DNM2: variants seen among roughly 807,000 people sequenced by gnomAD.
DNM2 encodes dynamin 2.
A neutral mutation model predicts 99.0 loss-of-function variants in DNM2; 15 were observed. The ratio of observed to expected loss-of-function variants is 0.15; its 90% CI spans 0.10 to 0.23. The LOEUF (loss-of-function observed/expected upper bound fraction) is 0.23. Among genes scored for constraint, DNM2 ranks in the 10% least tolerant of loss-of-function variants. The pLI, the probability that DNM2 is intolerant of heterozygous loss-of-function variation, is 1.00. For missense variants in DNM2, 742 were observed against 1,189.4 expected, an observed-to-expected ratio of 0.62 and a Z score of 5.53; for synonymous variants, 525 against 481.2, an observed-to-expected ratio of 1.09 and a Z score of -1.19.
intron 1 of DNM2, among the ~76,000 whole-genome samples, chr19:10,757,951 AAAAAAAAAAAAAAAG>A (rs1361353250): frequency 6.6e-6 from 1 of 151,588 alleles, no homozygotes; most frequent in Non-Finnish European, 1.5e-5. Context: ...CTCAAAAAAA[AAAAAAAAAAAAAAAG>A]AAAAAGAAAT....
At chr19:10,824,761 T>A in intron 17 of DNM2, 1 of 446,356 alleles carries the variant, frequency 2.2e-6, no homozygotes, top group Non-Finnish European at 4.2e-6. Flanking sequence ...GTGAACTGTG[T>A]TTGTGCCACT....
At chr19:10,824,930 C>T in intron 17 of DNM2, 127 bp from the exon 18 acceptor site, 1 of 1,472,054 alleles carries the variant, frequency 6.8e-7, no homozygotes, top group South Asian at 1.2e-5. Flanking sequence ...CTATCTGGTG[C>T]CAGTGGGGCT....
chr19:10,754,449 T>C (rs185144637), intron 1 of DNM2, among the ~76,000 whole-genome samples: 25 of 152,066 alleles, frequency 1.6e-4, no homozygotes, highest in Middle Eastern at 3.4e-3. Flanking sequence ...GACGGGGTTT[T>C]ACCGTGTTGG....
Position 10,829,202 on chromosome 19 carries a change from G to A in DNM2, c.2225G>A (p.Ser742Asn), listed in dbSNP as rs1220165110. Residue 742 changes from serine to asparagine, a missense_variant, in exon 19 of 21, where the codon AGC becomes AAC. Ser to Asn is a conservative substitution (Grantham distance 46, BLOSUM62 1). This residue lies in a region of DNM2 where 187 missense variants were observed against 218.8 expected (regional missense o/e 0.85). Coordinates refer to ENST00000389253, the MANE Select transcript of DNM2 (RefSeq NM_001005361.3). ...ALNIIGDIST[S>N]TVSTPVPPPV... The stretch of plus-strand genomic sequence containing the variant: ...AACATCATCGGTGACATCAGCACCA[G>A]CACTGTGTCCACGCCTGTACCCCCG... 1.2e-6 allele frequency: 2 copies of A among 1,614,000 alleles called. No individual in the cohort carries two copies. The highest frequency in any genetic ancestry group is 1.1e-5 in the South Asian group (1 of 91,084).
chr19:10,773,449 A>T lies in DNM2; in HGVS notation c.385+821A>T, dbSNP rs912172177. 8.8e-5 allele frequency among the ~76,000 whole-genome samples: 11 copies of T among 124,422 alleles called. 1 individual carries two copies. Among genetic ancestry groups the T allele is most frequent in the South Asian group, 5.3e-4 (2 of 3,780 alleles). 81.6% of individuals were successfully genotyped at this position (124,422 alleles called of 152,430 possible). A position where few individuals can be genotyped will look rare whatever the true frequency, so the allele number is the denominator to read the frequency against. ...GACGTGAGCCGCCGCGCCCGGCCAA[A>T]TTTTTTTTTTTTTTTTTGAGACAGA... On this transcript the variant is annotated intron_variant, in intron 3 of 20. Transcript: ENST00000389253.
chr19:10,800,263 A>G (rs1237447874), intron 11 of DNM2, among the ~76,000 whole-genome samples: 1 of 152,186 alleles, frequency 6.6e-6, no homozygotes, highest in Non-Finnish European at 1.5e-5. Flanking sequence ...TTTGTTTAAA[A>G]TGGTCCCTCT....
At chr19:10,721,515 G>A (rs61282597) in intron 1 of DNM2, among the ~76,000 whole-genome samples, 6,780 of 152,166 alleles carry the variant, frequency 0.045, 171 homozygotes, top group African/African-American at 0.069. Flanking sequence ...CCTCTCTTTG[G>A]GTATGAGGGG....
At chr19:10,732,468 C>T (rs1024150243) in intron 1 of DNM2, among the ~76,000 whole-genome samples, 6 of 151,594 alleles carry the variant, frequency 4.0e-5, no homozygotes, top group East Asian at 2.0e-4. Flanking sequence ...GGCGTGGTGG[C>T]GAGCGCCTGT....
At chr19:10,760,098 A>C (rs759905663) in intron 2 of DNM2, among the ~76,000 whole-genome samples, 1 of 151,614 alleles carries the variant, frequency 6.6e-6, no homozygotes, top group Non-Finnish European at 1.5e-5. Flanking sequence ...CAGTGATGCT[A>C]TCTTGGCTCA....
Position 10,795,546 on chromosome 19 carries a change from A to G in DNM2, c.1196+107A>G, listed in dbSNP as rs2071901775. 2 of 1,332,166 alleles carry G rather than the reference A, an allele frequency of 1.5e-6. No individual in the cohort carries two copies. Among genetic ancestry groups the G allele is most frequent in the African/African-American group, 1.4e-5 (1 of 69,312 alleles). 82.5% of individuals were successfully genotyped at this position (1,332,166 alleles called of 1,614,324 possible). ...GAGTCCCTAATCGTTAGGCCTTAAGAGGGCTCTTGGATGGTTTTCTGTAGC... is the reference window on the plus strand; with the variant it reads ...GAGTCCCTAATCGTTAGGCCTTAAGGGGGCTCTTGGATGGTTTTCTGTAGC... On this transcript the variant is annotated intron_variant, in intron 9 of 20. Coordinates refer to ENST00000389253, the MANE Select transcript of DNM2 (RefSeq NM_001005361.3). This position sits in a 1 kb window ranked among gnomAD's most constrained non-coding sequence, Gnocchi z 4.2.
chr19:10,815,933 GGGCCTCTTGGCTAT>G (rs1169236454), intron 15 of DNM2, among the ~76,000 whole-genome samples: 1 of 152,210 alleles, frequency 6.6e-6, no homozygotes, highest in East Asian at 1.9e-4. Context: ...AAAGAGAGGC[GGGCCTCTTGGCTAT>G]GGACCCCTGC....
chr19:10,739,823 T>C (rs1251030134), intron 1 of DNM2, among the ~76,000 whole-genome samples: 3 of 131,626 alleles, frequency 2.3e-5, no homozygotes, highest in Non-Finnish European at 4.6e-5. Flanking sequence ...TCCACTGCAC[T>C]CTAGCCTGGG....
intron 15 of DNM2, among the ~76,000 whole-genome samples, chr19:10,813,847 GA>G (rs1332430601): frequency 6.7e-6 from 1 of 149,452 alleles, no homozygotes; most frequent in Non-Finnish European, 1.5e-5. Context: ...AAAAGAAGAA[GA>G]AGAAGAAATA....
intron 19 of DNM2, among the ~76,000 whole-genome samples, chr19:10,829,874 C>T (rs541530993): frequency 2.0e-4 from 31 of 152,246 alleles, no homozygotes; most frequent in African/African-American, 7.5e-4. Flanking sequence ...ATCTGGAGGA[C>T]TCTGGAAGTG....
chr19:10,814,917 A>G (rs555461138), intron 15 of DNM2, among the ~76,000 whole-genome samples: 12 of 152,282 alleles, frequency 7.9e-5, no homozygotes, highest in African/African-American at 2.9e-4. Flanking sequence ...TGCTACTCTG[A>G]TGCGGTCCAG....
At chr19:10,749,822 G>A (rs2070130816) in intron 1 of DNM2, among the ~76,000 whole-genome samples, 1 of 152,246 alleles carries the variant, frequency 6.6e-6, no homozygotes, top group African/African-American at 2.4e-5. Flanking sequence ...TTTGCTGGGA[G>A]TGGGAAGGGG....
intron 7 of DNM2, among the ~76,000 whole-genome samples, chr19:10,787,314 A>T (rs1033272739): frequency 6.6e-6 from 1 of 151,950 alleles, no homozygotes; most frequent in Admixed American, 6.6e-5. Flanking sequence ...AAAAAAAAAT[A>T]CAAAAAACTA....
intron 12 of DNM2, chr19:10,802,684 C>T (rs993207591): frequency 1.9e-5 from 8 of 414,082 alleles, no homozygotes; most frequent in Non-Finnish European, 3.2e-5. Flanking sequence ...GAGCCTTTAG[C>T]GACCAGTGTG....
intron 1 of DNM2, among the ~76,000 whole-genome samples, chr19:10,747,851 A>C (rs1325510454): frequency 6.6e-6 from 1 of 151,756 alleles, no homozygotes; most frequent in East Asian, 1.9e-4. Flanking sequence ...AAAGAAGGGG[A>C]GCAGCTTCCT....
Sources: gnomAD v4.1 joint callset for allele counts (sites outside exome capture counted in the v4.1 genomes callset) on GRCh38, gnomAD v4.1.1 for gene constraint, gnomAD v4.1.1 regional missense constraint, Gnocchi (gnomAD v3.1) non-coding constraint, MANE v1.5 for transcripts, NCBI Gene and HGNC (gene_info 2026-07-23, HGNC 2026-07-21) for gene names.